Variants in SYNGR1 observed in about 807,000 individuals in gnomAD.
The protein encoded by SYNGR1 is synaptogyrin-1.
SYNGR1 carries 14 observed loss-of-function variants against 26.1 expected under a neutral mutation model. The observed-to-expected ratio is 0.54, with a 90% CI of 0.35 to 0.84. The LOEUF is 0.84. Ranked by LOEUF, SYNGR1 falls within the 40% of genes least tolerant of loss-of-function variation. SYNGR1 has a pLI of 0.01. For missense variants in SYNGR1, 319 were observed against 332.9 expected (o/e 0.96, Z 0.33); for synonymous variants, 141 against 150.1 (o/e 0.94, Z 0.44).
rs763078180 is a variant in SYNGR1, at chr22:39,381,690, C to T, written c.484-6C>T. On this transcript the variant is annotated splice_polypyrimidine_tract_variant and splice_region_variant and intron_variant, in intron 3 of 3. Transcript: ENST00000328933. ...TGTCCTTGTCCTCGCCGGCCTTTGT[C>T]CCCAGGCGGGCCAGGCTGTGCTGGC... is the stretch of plus-strand genomic sequence containing the variant. 3.1e-6 allele frequency: 5 copies of T among 1,613,330 alleles called. No individual in the cohort carries two copies. The South Asian group carries it at 3.3e-5, about 11-fold the overall frequency.
chr22:39,371,860 GGT>G (rs1376571486), intron 1 of SYNGR1, among the ~76,000 whole-genome samples: 2 of 151,792 alleles, frequency 1.3e-5, no homozygotes, highest in Admixed American at 1.3e-4. Context: ...TGTGACTTTG[GGT>G]GTGTTAACAA....
intron 1 of SYNGR1, among the ~76,000 whole-genome samples, chr22:39,353,862 G>T (rs574375725): frequency 4.0e-4 from 61 of 152,246 alleles, no homozygotes; most frequent in Admixed American, 7.2e-4. Context: ...TGAGTTTTTT[G>T]TTTGTTTGTT....
intron 3 of SYNGR1, among the ~76,000 whole-genome samples, chr22:39,380,616 C>CTTTTT (rs58877789): frequency 0.014 from 958 of 69,978 alleles, 128 homozygotes; most frequent in African/African-American, 0.065. Flanking sequence ...CCAAGCTGGC[C>CTTTTT]TTTTTTTTTT....
chr22:39,366,823 A>G (rs1924782158), intron 1 of SYNGR1, among the ~76,000 whole-genome samples: 1 of 151,914 alleles, frequency 6.6e-6, no homozygotes, highest in Non-Finnish European at 1.5e-5. Context: ...TCTCAAACCT[A>G]AGTCGCATCA....
chr22:39,360,894 C>T (rs965527638), intron 1 of SYNGR1, among the ~76,000 whole-genome samples: 15 of 152,214 alleles, frequency 9.9e-5, no homozygotes, highest in African/African-American at 2.7e-4. Context: ...CTGGGGTGTA[C>T]GCTTGGAGGG....
At position 39,381,677 on chromosome 22, in the gene SYNGR1, C is replaced by T. The variant is rs372261924; in HGVS notation, c.484-19C>T. 24 of 1,612,960 alleles carry T rather than the reference C, an allele frequency of 1.5e-5. No homozygotes were observed. The highest frequency in any genetic ancestry group is 1.1e-4 in the African/African-American group (8 of 74,914). On this transcript the variant is annotated intron_variant, in intron 3 of 3. Coordinates refer to ENST00000328933, the MANE Select transcript of SYNGR1 (RefSeq NM_004711.5). ...ACCCCCTCCCGCCTGTCCTTGTCCT[C>T]GCCGGCCTTTGTCCCCAGGCGGGCC...
chr22:39,385,238 C>CCAG lies in SYNGR1; in HGVS notation c.*3324_*3325insCAG. The stretch of plus-strand genomic sequence containing the variant: ...CCTCCCAGCGATGCACTTGACCTGA[C>CCAG]ACTCCCCATGTCCTGGTGCGCACAG... On this transcript the variant is annotated 3_prime_UTR_variant, in exon 4 of 4. Transcript: ENST00000328933. 2.7e-6 allele frequency: 1 copy of CCAG among 376,814 alleles called. No homozygotes were observed. The allele number at this position is 376,814 out of a possible 1,614,324, so 23.3% of individuals were successfully genotyped here.
chr22:39,366,383 C>T (rs1291634321), intron 1 of SYNGR1, among the ~76,000 whole-genome samples: 2 of 151,968 alleles, frequency 1.3e-5, no homozygotes, highest in African/African-American at 2.4e-5. Context: ...TAGTGGCTCA[C>T]GCTTGTAATC....
At chr22:39,353,551 C>A (rs1325283659) in intron 1 of SYNGR1, among the ~76,000 whole-genome samples, 1 of 152,246 alleles carries the variant, frequency 6.6e-6, no homozygotes, top group Non-Finnish European at 1.5e-5. Flanking sequence ...GATCAGCTGC[C>A]ACTCCTGGCA....
At chr22:39,371,713 G>A (rs1218712335) in intron 1 of SYNGR1, among the ~76,000 whole-genome samples, 5 of 152,068 alleles carry the variant, frequency 3.3e-5, no homozygotes, top group Admixed American at 2.0e-4. Context: ...TTGAACTCCT[G>A]GACTCAAGTG....
Position 39,384,603 on chromosome 22 carries a change from A to G in SYNGR1, c.*2689A>G. 1 of 398,836 alleles carries G rather than the reference A, an allele frequency of 2.5e-6. No individual in the cohort carries two copies. Among genetic ancestry groups the G allele is most frequent in the Non-Finnish European group, 4.4e-6 (1 of 226,048 alleles). 24.7% of individuals were successfully genotyped at this position (398,836 alleles called of 1,614,324 possible). A position where few individuals can be genotyped will look rare whatever the true frequency, so the allele number is the denominator to read the frequency against. On this transcript the variant is annotated 3_prime_UTR_variant, in exon 4 of 4. Coordinates refer to ENST00000328933, the MANE Select transcript of SYNGR1 (RefSeq NM_004711.5). Reference sequence around the variant, plus strand: ...GGGGAAACTCGCTCCTTCTGTTGGCAGAGGACAGCCCCTGGGGAACCCCAG... The same window carrying G: ...GGGGAAACTCGCTCCTTCTGTTGGCGGAGGACAGCCCCTGGGGAACCCCAG...
intron 1 of SYNGR1, among the ~76,000 whole-genome samples, chr22:39,366,155 G>T (rs943075089): frequency 6.6e-6 from 1 of 150,780 alleles, no homozygotes; most frequent in Non-Finnish European, 1.5e-5. Flanking sequence ...AGTAGAGATG[G>T]GGTTTCACCA....
chr22:39,374,739 C>G (rs1032633162), intron 2 of SYNGR1, 186 bp downstream of exon 2: 1 of 649,456 alleles, frequency 1.5e-6, no homozygotes, highest in Non-Finnish European at 2.7e-6. Flanking sequence ...GGCCTGGGAC[C>G]CCAAAATAAC....
intron 2 of SYNGR1, chr22:39,375,616 A>C (rs1387321329): frequency 1.2e-5 from 5 of 434,574 alleles, no homozygotes; most frequent in Non-Finnish European, 2.0e-5. Flanking sequence ...TGGCAGCCTG[A>C]GGGTTGGGGT....
intron 3 of SYNGR1, chr22:39,378,302 C>T (rs1261586053): frequency 6.2e-6 from 6 of 960,314 alleles, no homozygotes; most frequent in Non-Finnish European, 7.5e-6. Flanking sequence ...CCTCTCAAGG[C>T]TGTTGTGCCA....
At chr22:39,362,590 C>T (rs1015151683) in intron 1 of SYNGR1, among the ~76,000 whole-genome samples, 3 of 152,178 alleles carry the variant, frequency 2.0e-5, no homozygotes, top group African/African-American at 4.8e-5. Flanking sequence ...TGAAGGGGGG[C>T]CCTTGGCAGC....
chr22:39,380,287 A>G (rs1415661841), intron 3 of SYNGR1, among the ~76,000 whole-genome samples: 1 of 152,196 alleles, frequency 6.6e-6, no homozygotes, highest in Non-Finnish European at 1.5e-5. Flanking sequence ...CTCACTTAGA[A>G]TTAGGTTCAG....
chr22:39,355,203 C>T (rs1398805333), intron 1 of SYNGR1, among the ~76,000 whole-genome samples: 3 of 152,198 alleles, frequency 2.0e-5, no homozygotes, highest in African/African-American at 7.2e-5. Context: ...GACAGACTCA[C>T]AAGCTGGACT....
chr22:39,362,153 C>A (rs570471096), intron 1 of SYNGR1, among the ~76,000 whole-genome samples: 1 of 152,096 alleles, frequency 6.6e-6, no homozygotes, highest in African/African-American at 2.4e-5. Flanking sequence ...CGGCCAATTT[C>A]CCCCTTTTTC....
Sources: allele counts gnomAD v4.1 joint callset (sites outside exome capture counted in the v4.1 genomes callset), GRCh38; gene constraint gnomAD v4.1.1; transcripts MANE v1.5; gene names NCBI Gene and HGNC (gene_info 2026-07-23, HGNC 2026-07-21).